Variants in DDOST observed in about 807,000 individuals in gnomAD.
DDOST encodes dolichyl-diphosphooligosaccharide--protein glycosyltransferase 48 kDa subunit.
In DDOST, 25 loss-of-function variants were observed where a neutral mutation model predicts 47.6. The ratio of observed to expected loss-of-function variants is 0.53; its 90% CI spans 0.38 to 0.73. The LOEUF (loss-of-function observed/expected upper bound fraction) is 0.73. DDOST is among the 30% of genes least tolerant of loss of function. DDOST has a pLI of 0.00. For missense variants in DDOST, 526 were observed against 573.9 expected, an observed-to-expected ratio of 0.92 and a Z score of 0.85; for synonymous variants, 275 against 236.0, an observed-to-expected ratio of 1.17 and a Z score of -1.51.
rs750359512 is a variant in DDOST, at chr1:20,652,442, C to G, written c.1257G>C (p.Met419Ile). 6.2e-7 allele frequency: 1 copy of G among 1,613,910 alleles called. No individual in the cohort carries two copies. The highest frequency in any genetic ancestry group is 1.3e-5 in the African/African-American group (1 of 74,938). The stretch of plus-strand genomic sequence containing the variant: ...CGATGCTGAAGATGAAGAGCCCCAG[C>G]ATCATGGAGAAGGCGCTGGCGTAGT... ...YPYYASAFSM[M>I]LGLFIFSIVF... is the part of the protein sequence containing the mutation. The change falls in exon 11 of 11, where the codon ATG becomes ATC. Residue 419 changes from methionine (M) to isoleucine (I), a missense_variant. Met to Ile is a conservative substitution (Grantham distance 10). Coordinates refer to ENST00000602624, the MANE Select transcript of DDOST (RefSeq NM_005216.5).
Position 20,655,426 on chromosome 1 carries a change from G to A in DDOST, c.551+14C>T. 6.3e-7 allele frequency: 1 copy of A among 1,598,240 alleles called. No homozygotes were observed. The highest frequency in any genetic ancestry group is 8.6e-7 in the Non-Finnish European group (1 of 1,167,578). ...CCCAGGTTTCTGCTGTCCTCTCCCT[G>A]CTCACTCACTCACCCAACACCTCGA... On this transcript the variant is annotated intron_variant, in intron 5 of 10. Transcript: ENST00000602624.
intron 2 of DDOST, among the ~76,000 whole-genome samples, chr1:20,657,620 G>A (rs553053762): frequency 9.3e-4 from 142 of 152,258 alleles, no homozygotes; most frequent in African/African-American, 3.2e-3. Context: ...TTCTGAGACT[G>A]GACAGAGAAG....
At position 20,660,888 on chromosome 1, in the gene DDOST, C is replaced by T. The variant is rs1472446445; in HGVS notation, c.258G>A (p.Ser86=). Residue 86 remains serine (S), a synonymous_variant, in exon 2 of 11, where the codon TCG becomes TCA. Transcript: ENST00000602624. ...GCGACGCGGAACCCTTACCTTCTACCGAAGGGGAGAAAATGATGAGATTGT... is the reference window on the plus strand; with the variant it reads ...GCGACGCGGAACCCTTACCTTCTACTGAAGGGGAGAAAATGATGAGATTGT... ...LYDNLIIFSP[S]VEDFGGNINV... is the part of the protein sequence containing the mutation. The T allele has an allele frequency of 6.3e-7, 1 of 1,589,358 alleles. No individual in the cohort carries two copies. The highest frequency in any genetic ancestry group is 1.7e-5 in the Admixed American group (1 of 59,924).
chr1:20,652,717 G>A lies in DDOST; in HGVS notation c.1074C>T (p.Tyr358=). The A allele has an allele frequency of 1.2e-6, 2 of 1,614,182 alleles. No individual in the cohort carries two copies. Among genetic ancestry groups the A allele is most frequent in the Non-Finnish European group, 1.7e-6 (2 of 1,180,010 alleles). ...RTFLKKKGGK[Y]SVQFKLPDVY... Reference sequence around the variant, plus strand: ...CGTCGGGCAACTTGAACTGAACACTGTATTTGCCACCTGCGGAAGAACCAA... The same window carrying A: ...CGTCGGGCAACTTGAACTGAACACTATATTTGCCACCTGCGGAAGAACCAA... The change falls in exon 10 of 11, where the codon TAC becomes TAT. Residue 358 remains tyrosine (Y), a synonymous_variant. Transcript: ENST00000602624.
At position 20,654,287 on chromosome 1, in the gene DDOST, G is replaced by A; in HGVS notation, c.730C>T (p.Leu244Phe). Residue 244 changes from leucine (L) to phenylalanine (F), a missense_variant, in exon 7 of 11, where the codon CTC (leucine) becomes TTC (phenylalanine). Leu to Phe is a conservative substitution (Grantham distance 22). Transcript: ENST00000602624. ...AAGAAGGAGTCGCTGAAGAAGTCGAGGGAGCCGCTGAAGATGACGCGGGCA... is the reference window on the plus strand; with the variant it reads ...AAGAAGGAGTCGCTGAAGAAGTCGAAGGAGCCGCTGAAGATGACGCGGGCA... The part of the protein sequence containing the change: ...NNARVIFSGS[L>F]DFFSDSFFNS... The A allele has an allele frequency of 1.3e-6, 2 of 1,552,448 alleles. No homozygotes were observed.
Position 20,661,343 on chromosome 1 carries a change from G to A in DDOST, c.8C>T (p.Pro3Leu), listed in dbSNP as rs759636445. 3.1e-6 allele frequency: 5 copies of A among 1,613,054 alleles called. No homozygotes were observed. In the East Asian group the frequency reaches 6.7e-5, roughly 22 times the overall value. Reference sequence around the variant, plus strand: ...GGCCCAAGCCCGGGCCGCGGTGCTGGGCTCCATCTTCCTCCTCCTGCCGAA... The same window carrying A: ...GGCCCAAGCCCGGGCCGCGGTGCTGAGCTCCATCTTCCTCCTCCTGCCGAA... MEPSTAARAWALF... is the reference protein window; with the variant it reads MELSTAARAWALF... The change falls in exon 1 of 11, where the codon CCC becomes CTC. Residue 3 changes from proline to leucine, a missense_variant. Coordinates refer to ENST00000602624, the MANE Select transcript of DDOST (RefSeq NM_005216.5).
At chr1:20,660,713 C>T (rs1570419125) in intron 2 of DDOST, 168 bp downstream of exon 2, 3 of 567,676 alleles carry the variant, frequency 5.3e-6, no homozygotes, top group African/African-American at 1.9e-5. Flanking sequence ...AAAGATGTAC[C>T]CTCCTAGGGT....
chr1:20,655,859 CCTCT>C lies in DDOST; in HGVS notation c.353-84_353-81del, dbSNP rs576055058. 13 of 1,204,294 alleles carry C rather than the reference CCTCT, an allele frequency of 1.1e-5. 1 individual carries two copies. The highest frequency in any genetic ancestry group is 4.5e-5 in the African/African-American group (3 of 66,828). 74.6% of individuals were successfully genotyped at this position (1,204,294 alleles called of 1,614,324 possible). On this transcript the variant is annotated intron_variant, in intron 3 of 10. Transcript: ENST00000602624. ...AGTGTCCTTGGCTTCCTTGTGACTC[CCTCT>C]CTGTCAGCCCCAGTGCCCTGCAGCT... is the stretch of plus-strand genomic sequence containing the variant.
chr1:20,655,776 T>G lies in DDOST; in HGVS notation c.356A>C (p.Asp119Ala). The change falls in exon 4 of 11, where the codon GAC becomes GCC. Residue 119 changes from aspartate (D) to alanine (A), a missense_variant. Transcript: ENST00000602624. ...CTCACTGCCCAGCTCTCGAAGAGGG[T>G]CACCTGCACAGACCGAAGAGACACC... ...VLVAASSDIG[D>A]PLRELGSECG... 6.2e-7 allele frequency: 1 copy of G among 1,613,686 alleles called. No individual in the cohort carries two copies. The highest frequency in any genetic ancestry group is 1.1e-5 in the South Asian group (1 of 91,078).
intron 5 of DDOST, 96 bp downstream of exon 5, chr1:20,655,344 T>G: frequency 2.3e-6 from 2 of 884,740 alleles, no homozygotes; most frequent in Non-Finnish European, 3.7e-6. Flanking sequence ...CTACGTACCC[T>G]TAAAGAATTA....
chr1:20,658,129 A>C (rs1205668633), intron 2 of DDOST, among the ~76,000 whole-genome samples: 17 of 152,270 alleles, frequency 1.1e-4, no homozygotes, highest in Admixed American at 1.1e-3. Flanking sequence ...GACCACCTGG[A>C]GTTAAAACTA....
chr1:20,655,823 G>A (rs748376592), intron 3 of DDOST, 44 bp from the exon 4 acceptor site: 14 of 1,537,638 alleles, frequency 9.1e-6, no homozygotes, highest in Middle Eastern at 1.8e-4. Context: ...TTACAGGGGG[G>A]CCTTGGGCCA....
Position 20,652,272 on chromosome 1 carries a change from G to C in DDOST, c.*107C>G, listed in dbSNP as rs1019291114. 1 of 1,186,292 alleles carries C rather than the reference G, an allele frequency of 8.4e-7. No homozygotes were observed. Among genetic ancestry groups the C allele is most frequent in the African/African-American group, 1.5e-5 (1 of 64,930 alleles). 73.5% of individuals were successfully genotyped at this position (1,186,292 alleles called of 1,614,324 possible). A position where few individuals can be genotyped will look rare whatever the true frequency, so the allele number is the denominator to read the frequency against. ...GTGTTGCATCTCCCACAGAGGTAAA[G>C]TTGTGCCATTTTCCCACGGCTTTAA... On this transcript the variant is annotated 3_prime_UTR_variant, in exon 11 of 11. Coordinates refer to ENST00000602624, the MANE Select transcript of DDOST (RefSeq NM_005216.5).
chr1:20,659,462 CA>C (rs1219362379), intron 2 of DDOST, among the ~76,000 whole-genome samples: 1 of 152,132 alleles, frequency 6.6e-6, no homozygotes, highest in Non-Finnish European at 1.5e-5. Context: ...TCCTCAAAAA[CA>C]GACTGAAAAA....
chr1:20,652,678 G>C lies in DDOST; in HGVS notation c.1113C>G (p.Phe371Leu). The C allele has an allele frequency of 1.2e-6, 2 of 1,614,154 alleles. No homozygotes were observed. The highest frequency in any genetic ancestry group is 1.7e-6 in the Non-Finnish European group (2 of 1,180,032). ...GCCGGTTGTAATCCACTTTAAACTG[G>C]AATACACCATACACGTCGGGCAACT... is the stretch of plus-strand genomic sequence containing the variant. ...QFKLPDVYGV[F>L]QFKVDYNRLG... Residue 371 changes from phenylalanine to leucine, a missense_variant, in exon 10 of 11, where the codon TTC (phenylalanine) becomes TTG (leucine). Coordinates refer to ENST00000602624, the MANE Select transcript of DDOST (RefSeq NM_005216.5).
chr1:20,655,496 C>G lies in DDOST; in HGVS notation c.495G>C (p.Lys165Asn), dbSNP rs750695197. 1 of 1,614,044 alleles carries G rather than the reference C, an allele frequency of 6.2e-7. No individual in the cohort carries two copies. The highest frequency in any genetic ancestry group is 1.1e-5 in the South Asian group (1 of 91,062). Residue 165 changes from lysine to asparagine, a missense_variant, in exon 5 of 11, where the codon AAG (lysine) becomes AAC (asparagine). Coordinates refer to ENST00000602624, the MANE Select transcript of DDOST (RefSeq NM_005216.5). ...LIVADTENLLKAPTIVGKSSL... is the reference protein window; with the variant it reads ...LIVADTENLLNAPTIVGKSSL... The stretch of plus-strand genomic sequence containing the variant: ...ATGATTTCCCAACGATGGTTGGGGC[C>G]TTCAGCAGGTTCTCAGTGTCAGCCA...
At chr1:20,659,652 C>T (rs1416072111) in intron 2 of DDOST, among the ~76,000 whole-genome samples, 2 of 152,190 alleles carry the variant, frequency 1.3e-5, no homozygotes, top group East Asian at 3.8e-4. Context: ...CTAATCTTGC[C>T]TCCAAAAAGC....
intron 2 of DDOST, among the ~76,000 whole-genome samples, chr1:20,659,398 C>T (rs569822739): frequency 1.9e-4 from 29 of 152,214 alleles, no homozygotes; most frequent in Admixed American, 7.2e-4. Flanking sequence ...ACAGTGCCTC[C>T]GCTTCATCTT....
chr1:20,661,166 C>G, intron 1 of DDOST, 31 bp downstream of exon 1: 2 of 1,607,560 alleles, frequency 1.2e-6, no homozygotes, highest in Non-Finnish European at 1.7e-6. Context: ...CCCAGGCCCC[C>G]ACACGCTACC....
Sources: allele counts gnomAD v4.1 joint callset (sites outside exome capture counted in the v4.1 genomes callset), GRCh38; gene constraint gnomAD v4.1.1; transcripts MANE v1.5; gene names NCBI Gene and HGNC (gene_info 2026-07-23, HGNC 2026-07-21).